ARHGAP42: variants seen among roughly 807,000 people sequenced by gnomAD.
The protein encoded by ARHGAP42 is Rho GTPase activating protein 42, also known as rho GTPase-activating protein 42.
Under a neutral mutation model 125.0 loss-of-function variants are expected in ARHGAP42, and 63 were observed. The observed-to-expected ratio is 0.50, with a 90% CI of 0.41 to 0.62. The LOEUF (loss-of-function observed/expected upper bound fraction) is 0.62. ARHGAP42 is among the 20% of genes least tolerant of loss of function. The probability of loss-of-function intolerance (pLI) is 0.00; values close to 1 mark genes in which losing one functional copy is unlikely to be tolerated. For missense variants in ARHGAP42, 766 were observed against 1,024.2 expected (o/e 0.75, Z 3.44); for synonymous variants, 339 against 351.0 (o/e 0.97, Z 0.38).
intron 1 of ARHGAP42, among the ~76,000 whole-genome samples, chr11:100,766,176 AC>A (rs1218029136): frequency 2.6e-5 from 4 of 151,672 alleles, no homozygotes; most frequent in Non-Finnish European, 5.9e-5. Context: ...GCATGTGAAG[AC>A]ACTTGATGCT....
At chr11:100,699,430 TAGAG>T (rs1449633051) in intron 1 of ARHGAP42, among the ~76,000 whole-genome samples, 7 of 146,390 alleles carry the variant, frequency 4.8e-5, no homozygotes, top group Non-Finnish European at 7.5e-5. Flanking sequence ...TTTTTATATA[TAGAG>T]AGATTAATGA....
chr11:100,951,460 G>A (rs945935774), intron 12 of ARHGAP42, among the ~76,000 whole-genome samples: 3 of 152,118 alleles, frequency 2.0e-5, no homozygotes, highest in Non-Finnish European at 4.4e-5. Flanking sequence ...AGTGTGAAAT[G>A]TGTTTTCTAA....
chr11:100,828,165 GCCGCT>G (rs1272629799), intron 3 of ARHGAP42, among the ~76,000 whole-genome samples: 4 of 151,870 alleles, frequency 2.6e-5, no homozygotes, highest in Non-Finnish European at 5.9e-5. Flanking sequence ...GGTCTCACTT[GCCGCT>G]AAGTGCTGAT....
chr11:100,708,386 G>A (rs892667263), intron 1 of ARHGAP42, among the ~76,000 whole-genome samples: 3 of 152,126 alleles, frequency 2.0e-5, no homozygotes, highest in African/African-American at 4.8e-5. Flanking sequence ...GGTGGCACAC[G>A]CCTTTAGTCC....
At chr11:100,710,609 G>T (rs1861549299) in intron 1 of ARHGAP42, among the ~76,000 whole-genome samples, 1 of 141,500 alleles carries the variant, frequency 7.1e-6, no homozygotes, top group African/African-American at 2.7e-5. Context: ...GCACGATCTC[G>T]GCTCACTGCA....
chr11:100,982,594 T>C (rs1858572469), intron 22 of ARHGAP42, among the ~76,000 whole-genome samples: 3 of 152,128 alleles, frequency 2.0e-5, no homozygotes, highest in South Asian at 2.1e-4. Context: ...ATGTGGAAAA[T>C]AGTATCCTTA....
intron 4 of ARHGAP42, among the ~76,000 whole-genome samples, chr11:100,875,107 C>CTGTGTG (rs67247250): frequency 3.9e-4 from 32 of 82,278 alleles, no homozygotes; most frequent in South Asian, 5.2e-4. Flanking sequence ...CTCTCTCTCT[C>CTGTGTG]TGTGTGTGTG....
intron 21 of ARHGAP42, among the ~76,000 whole-genome samples, chr11:100,977,792 G>A (rs1858430962): frequency 6.6e-6 from 1 of 152,020 alleles, no homozygotes; most frequent in South Asian, 2.1e-4. Flanking sequence ...TTCCAACCTA[G>A]GGTTCTCTGA....
At position 100,903,712 on chromosome 11, in the gene ARHGAP42, AT is replaced by A. The variant is rs1555021238; in HGVS notation, c.385-9739del. Among the ~76,000 whole-genome samples, 211 of 33,384 alleles carry A rather than the reference AT, an allele frequency of 6.3e-3. 3 individuals are homozygous for A. The highest frequency in any genetic ancestry group is 0.014 in the African/African-American group (181 of 13,160). The allele number at this position is 33,384 out of a possible 152,430, so 21.9% of individuals were successfully genotyped here. On this transcript the variant is annotated intron_variant, in intron 4 of 23. Transcript: ENST00000298815. The stretch of plus-strand genomic sequence containing the variant: ...TATATATATACATGTCCCTCAAAAT[AT>A]ATATATATATATATATATATATATA...
In ARHGAP42 at chr11:100,746,065, A is replaced by T. The variant is rs146918673; in HGVS notation, c.155-24278A>T. Among the ~76,000 whole-genome samples, 446 of 152,300 alleles carry T rather than the reference A, an allele frequency of 2.9e-3. 3 individuals carry two copies. Among genetic ancestry groups the T allele is most frequent in the African/African-American group, 9.0e-3 (373 of 41,560 alleles). On this transcript the variant is annotated intron_variant, in intron 1 of 23. Transcript: ENST00000298815. ...AAATGCCAGGGTGAAAGGGATAGCCAGTTGGACTAAAGCATAAGTGCCACT... is the reference window on the plus strand; with the variant it reads ...AAATGCCAGGGTGAAAGGGATAGCCTGTTGGACTAAAGCATAAGTGCCACT...
rs143995062 is a variant in ARHGAP42 at position 100,802,637 on chromosome 11, T to TGGTGA, written c.312+7473_312+7474insTGAGG. Reference sequence around the variant, plus strand: ...TAGTAGAGATGAGGTTTCACCCTGTTGGCGAGTCTCAAACTCTTGGCCTCA... The same window carrying TGGTGA: ...TAGTAGAGATGAGGTTTCACCCTGTTGGTGAGGCGAGTCTCAAACTCTTGGCCTCA... On this transcript the variant is annotated intron_variant, in intron 3 of 23. Transcript: ENST00000298815. 2.0e-4 allele frequency among the ~76,000 whole-genome samples: 10 copies of TGGTGA among 49,422 alleles called. No homozygotes were observed. In the East Asian group the frequency reaches 4.0e-3, roughly 20 times the overall value. The allele number at this position is 49,422 out of a possible 152,430, so 32.4% of individuals were successfully genotyped here.
chr11:100,720,952 T>A (rs184994617), intron 1 of ARHGAP42, among the ~76,000 whole-genome samples: 1 of 152,158 alleles, frequency 6.6e-6, no homozygotes, highest in Admixed American at 6.5e-5. Context: ...AGAATTTTTT[T>A]AAGTTTTTTT....
At position 100,689,491 on chromosome 11, in the gene ARHGAP42, A is replaced by G. The variant is rs190445914; in HGVS notation, c.154+1659A>G. Among the ~76,000 whole-genome samples, 25 of 152,334 alleles carry G rather than the reference A, an allele frequency of 1.6e-4. No individual in the cohort carries two copies. In the East Asian group the frequency reaches 4.6e-3, roughly 28 times the overall value. On this transcript the variant is annotated intron_variant, in intron 1 of 23. Coordinates refer to ENST00000298815, the MANE Select transcript of ARHGAP42 (RefSeq NM_152432.4). The stretch of plus-strand genomic sequence containing the variant: ...AGGTCAAAATACTTACATACCTGTG[A>G]TAAATGCTCTGACATGTACATTATA...
At chr11:100,827,757 T>G (rs1864558920) in intron 3 of ARHGAP42, among the ~76,000 whole-genome samples, 1 of 152,230 alleles carries the variant, frequency 6.6e-6, no homozygotes, top group Admixed American at 6.5e-5. Context: ...AAGAGAGAGC[T>G]GGCTCTAGCC....
intron 12 of ARHGAP42, among the ~76,000 whole-genome samples, chr11:100,954,686 C>A (rs899994176): frequency 2.0e-5 from 3 of 151,988 alleles, no homozygotes; most frequent in Admixed American, 1.3e-4. Flanking sequence ...TGATCAGTTA[C>A]AGTTTTGTTT....
chr11:100,784,829 C>A (rs977959999), intron 2 of ARHGAP42, among the ~76,000 whole-genome samples: 1 of 152,164 alleles, frequency 6.6e-6, no homozygotes, highest in African/African-American at 2.4e-5. Flanking sequence ...GTCATTAGTT[C>A]TATGACCTTG....
chr11:100,787,598 G>A (rs1863466757), intron 2 of ARHGAP42, among the ~76,000 whole-genome samples: 1 of 152,194 alleles, frequency 6.6e-6, no homozygotes, highest in Non-Finnish European at 1.5e-5. Flanking sequence ...CCCAAATGTG[G>A]TTTGGCAGGC....
chr11:100,929,521 C>G (rs1266899708), intron 6 of ARHGAP42, among the ~76,000 whole-genome samples: 1 of 152,188 alleles, frequency 6.6e-6, no homozygotes, highest in Non-Finnish European at 1.5e-5. Context: ...CCTTGACACT[C>G]CCACCAGTGA....
chr11:100,903,309 A>G (rs879724635), intron 4 of ARHGAP42, among the ~76,000 whole-genome samples: 2 of 152,176 alleles, frequency 1.3e-5, no homozygotes, highest in Non-Finnish European at 2.9e-5. Flanking sequence ...ATTTTTAGTC[A>G]GATCCAGTAC....
Sources: allele counts gnomAD v4.1 joint callset (sites outside exome capture counted in the v4.1 genomes callset), GRCh38; gene constraint gnomAD v4.1.1; transcripts MANE v1.5; gene names NCBI Gene and HGNC (gene_info 2026-07-23, HGNC 2026-07-21).